B3GALT1: variants seen among roughly 807,000 people sequenced by gnomAD.
B3GALT1 encodes UDP-Gal:betaGlcNAc beta 1,3-galactosyltransferase, polypeptide 1.
A neutral mutation model predicts 23.2 loss-of-function variants in B3GALT1; 10 were observed. The observed-to-expected ratio is 0.43, with a 90% CI of 0.27 to 0.73. The LOEUF (loss-of-function observed/expected upper bound fraction) is 0.73, where lower values mean the gene tolerates loss of function less well. B3GALT1 is among the 30% of genes least tolerant of loss of function. B3GALT1 has a pLI of 0.21. For synonymous variants in B3GALT1, 156 were observed against 141.5 expected (o/e 1.10, Z -0.73); for missense variants, 299 against 405.4 (o/e 0.74, Z 2.25).
intron 2 of B3GALT1, among the ~76,000 whole-genome samples, chr2:167,532,407 T>G (rs1427320072): frequency 6.6e-6 from 1 of 152,222 alleles, no homozygotes; most frequent in Admixed American, 6.5e-5. Context: ...AGAATTATTT[T>G]ATTTATAGGC....
At chr2:167,303,072 TAAA>T (rs1696475914) in intron 1 of B3GALT1, among the ~76,000 whole-genome samples, 1 of 152,156 alleles carries the variant, frequency 6.6e-6, no homozygotes, top group Non-Finnish European at 1.5e-5. Flanking sequence ...GAGCAAATAA[TAAA>T]AATATTGGAA....
intron 2 of B3GALT1, among the ~76,000 whole-genome samples, chr2:167,591,587 A>C (rs149739582): frequency 2.6e-5 from 4 of 152,246 alleles, no homozygotes; most frequent in African/African-American, 9.6e-5. Flanking sequence ...CTCCCACCTC[A>C]GCCTTCGGAG....
intron 1 of B3GALT1, among the ~76,000 whole-genome samples, chr2:167,475,781 G>A (rs1184441400): frequency 1.3e-5 from 2 of 152,088 alleles, no homozygotes; most frequent in African/African-American, 2.4e-5. Context: ...CGGTTCTGGG[G>A]TCTGAAAGTT....
intron 3 of B3GALT1, among the ~76,000 whole-genome samples, chr2:167,739,096 T>C (rs1216533644): frequency 1.3e-5 from 2 of 152,228 alleles, no homozygotes; most frequent in Admixed American, 6.5e-5. Flanking sequence ...TGGATTGATA[T>C]TCTTTCAGCT....
At chr2:167,809,556 C>T (rs1476970774) in intron 3 of B3GALT1, among the ~76,000 whole-genome samples, 1 of 152,214 alleles carries the variant, frequency 6.6e-6, no homozygotes, top group Non-Finnish European at 1.5e-5. Flanking sequence ...CTACTCCAGA[C>T]CCTGTTTGCC....
Position 167,827,478 on chromosome 2 carries a change from C to T in B3GALT1, c.-230+8685C>T, listed in dbSNP as rs188651201. On this transcript the variant is annotated intron_variant, in intron 4 of 4. Coordinates refer to ENST00000392690, the MANE Select transcript of B3GALT1 (RefSeq NM_020981.4). ...GGAACTGCATTGGTCTAGACTGGCA[C>T]CTAGGTGAGACTGAATGGGCAACAT... is the stretch of plus-strand genomic sequence containing the variant. 5.3e-5 allele frequency among the ~76,000 whole-genome samples: 8 copies of T among 152,294 alleles called. No individual in the cohort carries two copies. The East Asian group carries it at 1.4e-3, about 26-fold the overall frequency.
chr2:167,524,352 C>A (rs1282682205), intron 2 of B3GALT1, among the ~76,000 whole-genome samples: 2 of 152,136 alleles, frequency 1.3e-5, no homozygotes, highest in Non-Finnish European at 2.9e-5. Context: ...AGCAGGTTAA[C>A]CACTGTTCAG....
At chr2:167,624,985 A>G (rs561037292) in intron 2 of B3GALT1, among the ~76,000 whole-genome samples, 1 of 152,108 alleles carries the variant, frequency 6.6e-6, no homozygotes, top group East Asian at 1.9e-4. Flanking sequence ...CCTTGTGTCA[A>G]ATTTCATTCC....
At chr2:167,691,733 G>A (rs1441427417) in intron 3 of B3GALT1, among the ~76,000 whole-genome samples, 1 of 152,148 alleles carries the variant, frequency 6.6e-6, no homozygotes, top group Non-Finnish European at 1.5e-5. Flanking sequence ...ACTAAAAAAT[G>A]AGATGAATGT....
At chr2:167,824,328 T>G (rs1196527008) in intron 4 of B3GALT1, among the ~76,000 whole-genome samples, 1 of 152,118 alleles carries the variant, frequency 6.6e-6, no homozygotes, top group African/African-American at 2.4e-5. Flanking sequence ...AGCTGGAGTG[T>G]AAAGAAAGAA....
At chr2:167,579,398 A>G (rs1684441092) in intron 2 of B3GALT1, among the ~76,000 whole-genome samples, 1 of 140,428 alleles carries the variant, frequency 7.1e-6, no homozygotes, top group African/African-American at 2.7e-5. Context: ...AATCAGTTGG[A>G]GAGTAGTTTG....
intron 1 of B3GALT1, among the ~76,000 whole-genome samples, chr2:167,320,019 A>C (rs980153475): frequency 3.3e-5 from 5 of 152,146 alleles, no homozygotes; most frequent in Admixed American, 6.5e-5. Context: ...GACCCAGATC[A>C]GTGAGAATCT....
intron 3 of B3GALT1, among the ~76,000 whole-genome samples, chr2:167,664,606 C>T (rs189369306): frequency 6.6e-5 from 10 of 152,108 alleles, no homozygotes; most frequent in Non-Finnish European, 1.0e-4. Context: ...ATGGAATGTT[C>T]TTCCATTTGT....
chr2:167,521,984 G>GTATATA (rs550521896), intron 2 of B3GALT1, among the ~76,000 whole-genome samples: 72 of 122,622 alleles, frequency 5.9e-4, no homozygotes, highest in African/African-American at 2.0e-3. Flanking sequence ...GTGTGTGTGT[G>GTATATA]TATATATATA....
At chr2:167,399,996 AATT>A (rs1698161492) in intron 1 of B3GALT1, among the ~76,000 whole-genome samples, 5 of 152,006 alleles carry the variant, frequency 3.3e-5, no homozygotes, top group African/African-American at 1.2e-4. Flanking sequence ...TCTAAATCTA[AATT>A]ATTATCCTTT....
At chr2:167,693,403 G>A (rs958975613) in intron 3 of B3GALT1, among the ~76,000 whole-genome samples, 12 of 152,000 alleles carry the variant, frequency 7.9e-5, no homozygotes, top group African/African-American at 2.9e-4. Flanking sequence ...TTAAAGCCCC[G>A]TAGGAAAAGA....
At chr2:167,802,850 C>T (rs1181054395) in intron 3 of B3GALT1, among the ~76,000 whole-genome samples, 10 of 151,568 alleles carry the variant, frequency 6.6e-5, no homozygotes, top group Admixed American at 6.6e-4. Context: ...TTTTTTTAAT[C>T]GGTGGATTGA....
In B3GALT1 at chr2:167,739,974, C is replaced by T. The variant is rs1201246081; in HGVS notation, c.-351-78698C>T. Among the ~76,000 whole-genome samples the T allele has an allele frequency of 6.6e-5, 10 of 150,902 alleles. No individual in the cohort carries two copies. The East Asian group carries it at 1.9e-3, about 29-fold the overall frequency. ...AAAATCTAGGCGTGGTGGTGCATGC[C>T]TGTAGACTCAGCTATTTGGGAGGCT... On this transcript the variant is annotated intron_variant, in intron 3 of 4. Coordinates refer to ENST00000392690, the MANE Select transcript of B3GALT1 (RefSeq NM_020981.4).
intron 3 of B3GALT1, among the ~76,000 whole-genome samples, chr2:167,712,790 T>C (rs1687082253): frequency 6.6e-6 from 1 of 152,172 alleles, no homozygotes; most frequent in Non-Finnish European, 1.5e-5. Flanking sequence ...GTTAGGGCTA[T>C]CTCCATTTTA....
Sources: gnomAD v4.1 joint callset for allele counts (sites outside exome capture counted in the v4.1 genomes callset) on GRCh38, gnomAD v4.1.1 for gene constraint, MANE v1.5 for transcripts, NCBI Gene and HGNC (gene_info 2026-07-23, HGNC 2026-07-21) for gene names.